The following USP24 variants were observed in gnomAD, a reference collection of about 807,000 sequenced individuals.
USP24 encodes the protein ubiquitin carboxyl-terminal hydrolase 24.
In USP24, 97 loss-of-function variants were observed where a neutral mutation model predicts 361.6. That is an observed-to-expected ratio of 0.27 (90% confidence interval 0.23 to 0.32). The LOEUF is 0.32. Among genes scored for constraint, USP24 ranks in the 10% least tolerant of loss-of-function variants. The pLI is 1.00. For synonymous variants in USP24, 1,098 were observed against 1,124.6 expected (o/e 0.98, Z 0.47); for missense variants, 2,353 against 3,165.6 (o/e 0.74, Z 6.16).
intron 1 of USP24, among the ~76,000 whole-genome samples, chr1:55,194,390 C>A (rs1267417340): frequency 2.0e-5 from 3 of 152,162 alleles, no homozygotes; most frequent in African/African-American, 7.2e-5. Context: ...GATTCCTACA[C>A]AGATGAGGGA....
intron 7 of USP24, among the ~76,000 whole-genome samples, chr1:55,164,043 T>C (rs1572035): frequency 0.081 from 12,255 of 152,010 alleles, 776 homozygotes; most frequent in African/African-American, 0.18. Flanking sequence ...CTCTCTATAA[T>C]AGCAAAAACA....
intron 62 of USP24, among the ~76,000 whole-genome samples, chr1:55,076,881 G>A (rs1422001146): frequency 6.6e-6 from 1 of 152,122 alleles, no homozygotes; most frequent in Non-Finnish European, 1.5e-5. Flanking sequence ...GTACCTCTGA[G>A]GGTGACTGTG....
At position 55,137,665 on chromosome 1, in the gene USP24, C is replaced by T. The variant is rs1388952913; in HGVS notation, c.3051G>A (p.Lys1017=). ...DSLLTVNKDQ[K]LLHQLGFSDE... ...CAGAAAAGCCCAGTTGGTGGAGTAG[C>T]TTTTGATCTTTATTCACTGTCAGCT... The change falls in exon 28 of 68, where the codon AAG becomes AAA. Residue 1017 remains lysine, a synonymous_variant. Transcript: ENST00000294383. 2.5e-6 allele frequency: 4 copies of T among 1,612,316 alleles called. No individual in the cohort carries two copies. In the African/African-American group the frequency reaches 5.3e-5, roughly 22 times the overall value.
Position 55,154,005 on chromosome 1 carries a change from C to G in USP24, c.1813-88G>C, listed in dbSNP as rs140679838. On this transcript the variant is annotated intron_variant, in intron 15 of 67. Coordinates refer to ENST00000294383, the MANE Select transcript of USP24 (RefSeq NM_015306.3). ...ATCTTGGACTTTAAGGTAAGAGCTT[C>G]CAGATATGGCATTTAGTTTAATTTA... 45 of 1,555,424 alleles carry G rather than the reference C, an allele frequency of 2.9e-5. No individual in the cohort carries two copies. The East Asian group carries it at 9.9e-4, about 34-fold the overall frequency.
At chr1:55,108,686 A>C (rs974842563) in intron 39 of USP24, among the ~76,000 whole-genome samples, 11 of 152,146 alleles carry the variant, frequency 7.2e-5, no homozygotes, top group African/African-American at 2.7e-4. Flanking sequence ...TCACTCAACA[A>C]CACAGGGAAG....
In USP24 at chr1:55,204,330, T is replaced by TA. The variant is rs1644650422; in HGVS notation, c.324+10459dup. Among the ~76,000 whole-genome samples the TA allele has an allele frequency of 3.3e-5, 5 of 152,252 alleles. No homozygotes were observed. In the South Asian group the frequency reaches 1.0e-3, roughly 32 times the overall value. ...AACTGATACACTTACGCTTTTAGGATAAAAAATAATGCCATTTCATTAAAA... is the reference window on the plus strand; with the variant it reads ...AACTGATACACTTACGCTTTTAGGATAAAAAAATAATGCCATTTCATTAAAA... On this transcript the variant is annotated intron_variant, in intron 1 of 67. Transcript: ENST00000294383.
chr1:55,157,067 TGAGA>T lies in USP24; in HGVS notation c.1343-20_1343-17del, dbSNP rs988284011. The T allele has an allele frequency of 6.2e-7, 1 of 1,600,530 alleles. No homozygotes were observed. Among genetic ancestry groups the T allele is most frequent in the Non-Finnish European group, 8.5e-7 (1 of 1,170,110 alleles). On this transcript the variant is annotated splice_polypyrimidine_tract_variant and intron_variant, in intron 11 of 67. Transcript: ENST00000294383. ...TCTATGTTGCCTAATTGAAGAAACA[TGAGA>T]GAGAAAGTCAGATATAGTGAACACT...
In USP24 at chr1:55,146,945, CA is replaced by C. The variant is rs764194518; in HGVS notation, c.2233del (p.Cys745ValfsTer3). 1 of 1,612,354 alleles carries C rather than the reference CA, an allele frequency of 6.2e-7. No homozygotes were observed. Among genetic ancestry groups the C allele is most frequent in the Non-Finnish European group, 8.5e-7 (1 of 1,179,032 alleles). On this transcript the variant is annotated frameshift_variant, in exon 19 of 68. Coordinates refer to ENST00000294383, the MANE Select transcript of USP24 (RefSeq NM_015306.3). LOFTEE classifies it high-confidence loss of function. ...CCTTCTTACCTCTCTATCTAATTCA[CA>C]AACATCCTGGCCAGTTACAAGACAC... Reference protein sequence around the residue: ...WECLVTGQDVCELDREMCFEW... With the variant: ...WECLVTGQDVXELDREMCFEW...
At chr1:55,182,859 C>T (rs1163515997) in intron 1 of USP24, among the ~76,000 whole-genome samples, 3 of 152,044 alleles carry the variant, frequency 2.0e-5, no homozygotes, top group Admixed American at 6.6e-5. Context: ...GGACTACAAG[C>T]GCATACCACC....
At chr1:55,186,391 C>T (rs971932767) in intron 1 of USP24, among the ~76,000 whole-genome samples, 1 of 152,128 alleles carries the variant, frequency 6.6e-6, no homozygotes, top group African/African-American at 2.4e-5. Context: ...TTAAATGGAA[C>T]TACCATGTGA....
Position 55,103,877 on chromosome 1 carries a change from T to C in USP24, c.5024A>G (p.Asp1675Gly). Reference protein sequence around the residue: ...QPDPALTKEFDYLPPVDSRSS... With the variant: ...QPDPALTKEFGYLPPVDSRSS... ...TTCATCAACGTCTAGAAAACCTACA[T>C]CAAACTCCTTGGTAAGAGCAGGGTC... is the stretch of plus-strand genomic sequence containing the variant. The change falls in exon 42 of 68, where the codon GAT (aspartate) becomes GGT (glycine). Residue 1675 changes from aspartate (D) to glycine (G), a missense_variant and splice_region_variant. Asp to Gly is a moderately conservative substitution (Grantham distance 94). Around this residue, in one of 8 missense-constraint regions of USP24, gnomAD observed 949 missense variants for 1,280.5 expected, o/e 0.74. Transcript: ENST00000294383. 1.2e-6 allele frequency: 2 copies of C among 1,609,782 alleles called. No individual in the cohort carries two copies. The highest frequency in any genetic ancestry group is 2.2e-5 in the East Asian group (1 of 44,820).
chr1:55,089,752 A>G lies in USP24; in HGVS notation c.6555-12T>C. On this transcript the variant is annotated splice_polypyrimidine_tract_variant and intron_variant, in intron 54 of 67. Transcript: ENST00000294383. ...CTTCAGTATCAACCCTTTAAAAAAA[A>G]GCAGATACAGCAATGTTAGGAGCAT... is the stretch of plus-strand genomic sequence containing the variant. The G allele has an allele frequency of 6.4e-7, 1 of 1,560,960 alleles. No homozygotes were observed. Among genetic ancestry groups the G allele is most frequent in the South Asian group, 1.2e-5 (1 of 84,108 alleles).
chr1:55,185,509 GAA>G (rs1434906132), intron 1 of USP24, among the ~76,000 whole-genome samples: 1 of 151,900 alleles, frequency 6.6e-6, no homozygotes, highest in Non-Finnish European at 1.5e-5. Flanking sequence ...AAGAGAAAAA[GAA>G]AGAGGATTCA....
At chr1:55,213,731 C>A (rs1209444260) in intron 1 of USP24, among the ~76,000 whole-genome samples, 6 of 152,192 alleles carry the variant, frequency 3.9e-5, no homozygotes, top group Admixed American at 1.3e-4. Context: ...AGCACTGCTG[C>A]TTCTGGTCGA....
chr1:55,123,733 C>T, intron 35 of USP24, 131 bp from the exon 36 acceptor site: 1 of 915,800 alleles, frequency 1.1e-6, no homozygotes, highest in Non-Finnish European at 1.5e-6. Context: ...GTCCAAGAAG[C>T]AAGAGAGATT....
rs746296924 is a variant in USP24 at position 55,096,941 on chromosome 1, G to A, written c.5936+11C>T. 1 of 1,611,064 alleles carries A rather than the reference G, an allele frequency of 6.2e-7. No individual in the cohort carries two copies. Among genetic ancestry groups the A allele is most frequent in the Admixed American group, 1.7e-5 (1 of 59,766 alleles). On this transcript the variant is annotated intron_variant, in intron 49 of 67. Coordinates refer to ENST00000294383, the MANE Select transcript of USP24 (RefSeq NM_015306.3). ...AGAAAGTGAGTAAGTGCTGCCTCAG[G>A]AAACTCTTACCGCCTGTCCTTAATG...
In USP24 at chr1:55,121,473, A is replaced by C. The variant is rs761509117; in HGVS notation, c.4310T>G (p.Phe1437Cys). ...SFYNLPCVAD[F>C]IIDILLGSPS... Reference sequence around the variant, plus strand: ...TGATCCGAGCAGAATATCAATGATGAAATCAGCAACACAGGGCAAGTTATA... The same window carrying C: ...TGATCCGAGCAGAATATCAATGATGCAATCAGCAACACAGGGCAAGTTATA... The change falls in exon 37 of 68, where the codon TTC becomes TGC. Residue 1437 changes from phenylalanine to cysteine, a missense_variant. By Grantham distance (205) the Phe-to-Cys change is radical (BLOSUM62 -2). Transcript: ENST00000294383. The C allele has an allele frequency of 1.2e-6, 2 of 1,613,806 alleles. No individual in the cohort carries two copies. The highest frequency in any genetic ancestry group is 2.2e-5 in the South Asian group (2 of 91,030).
intron 20 of USP24, among the ~76,000 whole-genome samples, chr1:55,145,080 C>T (rs957111083): frequency 1.3e-5 from 2 of 152,074 alleles, no homozygotes; most frequent in African/African-American, 4.8e-5. Flanking sequence ...GGTGGGATTA[C>T]GAAATAGCGT....
At chr1:55,114,314 T>TC (rs1646042264) in intron 38 of USP24, among the ~76,000 whole-genome samples, 1 of 152,246 alleles carries the variant, frequency 6.6e-6, no homozygotes, top group Non-Finnish European at 1.5e-5. Context: ...ATGGCCACGC[T>TC]GCCCAAAGTA....
Sources: allele counts gnomAD v4.1 joint callset (sites outside exome capture counted in the v4.1 genomes callset), GRCh38; gene constraint gnomAD v4.1.1; regional missense constraint gnomAD v4.1.1; transcripts MANE v1.5; gene names NCBI Gene and HGNC (gene_info 2026-07-23, HGNC 2026-07-21).